Variants in IPO8 observed in about 807,000 individuals in gnomAD.
The protein encoded by IPO8 is importin 8, also known as importin-8.
In IPO8, 65 loss-of-function variants were observed where a neutral mutation model predicts 141.2. The ratio of observed to expected loss-of-function variants is 0.46; its 90% CI spans 0.38 to 0.57. The LOEUF (loss-of-function observed/expected upper bound fraction) is 0.57, where lower values mean the gene tolerates loss of function less well. Ranked by LOEUF, IPO8 falls within the 20% of genes least tolerant of loss-of-function variation. The probability of loss-of-function intolerance (pLI) is 0.00; values close to 1 mark genes in which losing one functional copy is unlikely to be tolerated. For missense variants in IPO8, 980 were observed against 1,246.8 expected (o/e 0.79, Z 3.22); for synonymous variants, 411 against 420.3 (o/e 0.98, Z 0.27).
At chr12:30,673,643 G>C (rs1262534121) in intron 8 of IPO8, among the ~76,000 whole-genome samples, 1 of 152,102 alleles carries the variant, frequency 6.6e-6, no homozygotes, top group Non-Finnish European at 1.5e-5. Flanking sequence ...TTACAACAAA[G>C]AGGTGAAGAA....
chr12:30,677,093 A>G (rs754297735), intron 5 of IPO8: 18 of 1,512,306 alleles, frequency 1.2e-5, no homozygotes, highest in Non-Finnish European at 1.6e-5. Flanking sequence ...CTCCACATCC[A>G]TTCAGTACAA....
rs1026765413 is a variant in IPO8 at position 30,654,789 on chromosome 12, G to C, written c.1949-1697C>G. On this transcript the variant is annotated intron_variant, in intron 17 of 24. Coordinates refer to ENST00000256079, the MANE Select transcript of IPO8 (RefSeq NM_006390.4). ...AAACAGCCACTGTGGAAAGCAGTAT[G>C]AAGGTTCCTCAAAAAATTAAAGATA... Among the ~76,000 whole-genome samples the C allele has an allele frequency of 1.6e-4, 24 of 152,174 alleles. No homozygotes were observed. The East Asian group carries it at 4.3e-3, about 27-fold the overall frequency.
rs777381271 is a variant in IPO8, at chr12:30,695,839, CCCA to C, written c.-195_-193del. 1.3e-4 allele frequency: 72 copies of C among 534,180 alleles called. No homozygotes were observed. The highest frequency in any genetic ancestry group is 5.5e-4 in the South Asian group (24 of 43,630). 33.1% of individuals were successfully genotyped at this position (534,180 alleles called of 1,614,324 possible). A position where few individuals can be genotyped will look rare whatever the true frequency, so the allele number is the denominator to read the frequency against. On this transcript the variant is annotated 5_prime_UTR_variant, in exon 1 of 25. Coordinates refer to ENST00000256079, the MANE Select transcript of IPO8 (RefSeq NM_006390.4). The surrounding 1 kb of genome is among the most constrained non-coding windows in gnomAD (Gnocchi z 4.2). The stretch of plus-strand genomic sequence containing the variant: ...CGCCCCCTGTCCTCCCTTTTTCCCC[CCCA>C]CAACTCGCTCTCCATTCACCGTTTT...
chr12:30,691,006 T>C (rs2053286407), intron 1 of IPO8, among the ~76,000 whole-genome samples: 1 of 152,214 alleles, frequency 6.6e-6, no homozygotes, highest in African/African-American at 2.4e-5. Flanking sequence ...TACAAATTCC[T>C]TACTCCCTTT....
intron 7 of IPO8, 50 bp from the exon 8 acceptor site, chr12:30,674,124 C>T (rs748421320): frequency 6.4e-5 from 74 of 1,149,798 alleles, no homozygotes; most frequent in Non-Finnish European, 5.7e-5. Flanking sequence ...TTACAAACAG[C>T]ATGCTTGCTA....
chr12:30,690,704 C>T (rs2053283837), intron 1 of IPO8, 127 bp from the exon 2 acceptor site: 1 of 528,234 alleles, frequency 1.9e-6, no homozygotes, highest in Non-Finnish European at 3.4e-6. Flanking sequence ...ACAAACCCTT[C>T]AAGGCAAAAT....
intron 2 of IPO8, among the ~76,000 whole-genome samples, chr12:30,690,020 C>G (rs955610157): frequency 6.6e-6 from 1 of 152,204 alleles, no homozygotes; most frequent in Non-Finnish European, 1.5e-5. Flanking sequence ...TAAGATCCCA[C>G]AGACTTAAAA....
chr12:30,630,725 C>G lies in IPO8; in HGVS notation c.*135G>C, dbSNP rs1411281239. 9 of 653,378 alleles carry G rather than the reference C, an allele frequency of 1.4e-5. No homozygotes were observed. The allele number at this position is 653,378 out of a possible 1,614,324, so 40.5% of individuals were successfully genotyped here. On this transcript the variant is annotated 3_prime_UTR_variant, in exon 25 of 25. Coordinates refer to ENST00000256079, the MANE Select transcript of IPO8 (RefSeq NM_006390.4). ...AAAGGGGAAAGAGTAGATAAAAGTG[C>G]TGCCTAATGCCAGATGGTAACTGGC...
intron 17 of IPO8, 94 bp from the exon 18 acceptor site, chr12:30,653,186 C>CA: frequency 9.3e-7 from 1 of 1,072,278 alleles, no homozygotes; most frequent in South Asian, 1.3e-5. Flanking sequence ...CCTACGCACA[C>CA]AGAGTCCTCC....
At chr12:30,662,529 C>T (rs2052902908) in intron 14 of IPO8, 42 bp from the exon 15 acceptor site, 1 of 1,485,496 alleles carries the variant, frequency 6.7e-7, no homozygotes, top group Non-Finnish European at 9.3e-7. Flanking sequence ...AATTACCATG[C>T]CCAGATGATA....
intron 8 of IPO8, among the ~76,000 whole-genome samples, chr12:30,671,400 A>G (rs892434376): frequency 2.6e-5 from 4 of 152,164 alleles, no homozygotes; most frequent in Non-Finnish European, 2.9e-5. Context: ...GGAGCCGGGC[A>G]CGGTGGCTCA....
chr12:30,637,109 A>G lies in IPO8; in HGVS notation c.2568T>C (p.Ala856=). Residue 856 remains alanine, a synonymous_variant, in exon 22 of 25, where the codon GCT becomes GCC. Coordinates refer to ENST00000256079, the MANE Select transcript of IPO8 (RefSeq NM_006390.4). ...TTGAGGGAACAATCTGTCCCACCAC[A>G]GCATCTACTGCAGGAGGTCGATTTT... is the stretch of plus-strand genomic sequence containing the variant. ...ELQNRPPAVD[A]VVGQIVPSIL... is the part of the protein sequence containing the mutation. 6.2e-7 allele frequency: 1 copy of G among 1,614,028 alleles called. No homozygotes were observed.
intron 21 of IPO8, among the ~76,000 whole-genome samples, chr12:30,638,543 T>C (rs2052533335): frequency 6.6e-6 from 1 of 152,198 alleles, no homozygotes; most frequent in South Asian, 2.1e-4. Context: ...ATACTATTAA[T>C]TTCCAGTTAG....
chr12:30,658,980 A>G (rs2136146350), intron 16 of IPO8, among the ~76,000 whole-genome samples: 1 of 143,560 alleles, frequency 7.0e-6, no homozygotes, highest in Non-Finnish European at 1.5e-5. Context: ...TCCCGGGTTC[A>G]TGCCATTCTC....
In IPO8 at chr12:30,662,988, C is replaced by T. The variant is rs2052910110; in HGVS notation, c.1594+501G>A. On this transcript the variant is annotated intron_variant, in intron 14 of 24. Transcript: ENST00000256079. ...AACTACGTTCACGTTCTTCATAAAGCTGAACTTACTTTCAAAGGTTTATTT... is the reference window on the plus strand; with the variant it reads ...AACTACGTTCACGTTCTTCATAAAGTTGAACTTACTTTCAAAGGTTTATTT... 2.0e-5 allele frequency among the ~76,000 whole-genome samples: 3 copies of T among 151,700 alleles called. No individual in the cohort carries two copies. In the South Asian group the frequency reaches 6.2e-4, roughly 32 times the overall value.
At chr12:30,683,528 ATT>A (rs1372206658) in intron 3 of IPO8, among the ~76,000 whole-genome samples, 2 of 152,214 alleles carry the variant, frequency 1.3e-5, no homozygotes, top group African/African-American at 4.8e-5. Flanking sequence ...GTTGAAAAGA[ATT>A]TGTTTCTCCT....
chr12:30,666,703 CA>C (rs1306984802), intron 10 of IPO8, among the ~76,000 whole-genome samples: 1 of 152,034 alleles, frequency 6.6e-6, no homozygotes, highest in Non-Finnish European at 1.5e-5. Context: ...AGGCTAAGAA[CA>C]AATGTAAAAT....
At chr12:30,651,945 C>T (rs1225814630) in intron 19 of IPO8, among the ~76,000 whole-genome samples, 2 of 151,896 alleles carry the variant, frequency 1.3e-5, no homozygotes, top group Non-Finnish European at 2.9e-5. Flanking sequence ...GTAGAAAATT[C>T]ATGTCCAAAA....
chr12:30,676,613 C>G, intron 5 of IPO8, 26 bp from the exon 6 acceptor site: 2 of 1,507,968 alleles, frequency 1.3e-6, no homozygotes, highest in Non-Finnish European at 1.8e-6. Flanking sequence ...ACAACATGAA[C>G]AGTAATTCCT....
Sources: allele counts gnomAD v4.1 joint callset (sites outside exome capture counted in the v4.1 genomes callset), GRCh38; gene constraint gnomAD v4.1.1; non-coding constraint Gnocchi (gnomAD v3.1); transcripts MANE v1.5; gene names NCBI Gene and HGNC (gene_info 2026-07-23, HGNC 2026-07-21).